The following PHKA1 variants were observed in gnomAD, a reference collection of about 807,000 sequenced individuals.
PHKA1 encodes phosphorylase b kinase regulatory subunit alpha, skeletal muscle isoform.
In PHKA1, 60 loss-of-function variants were observed where a neutral mutation model predicts 110.2. The observed-to-expected ratio is 0.54, with a 90% CI of 0.44 to 0.68. PHKA1 has a LOEUF of 0.68. Ranked by LOEUF, PHKA1 falls within the 30% of genes least tolerant of loss-of-function variation. The pLI is 0.00. For synonymous variants in PHKA1, 316 were observed against 333.6 expected, an observed-to-expected ratio of 0.95 and a Z score of 0.58; for missense variants, 801 against 942.5, an observed-to-expected ratio of 0.85 and a Z score of 1.97.
At chrX:72,691,312 T>C (rs1215509074) in intron 4 of PHKA1, among the ~76,000 whole-genome samples, 2 of 112,570 alleles carry the variant, frequency 1.8e-5, no homozygotes, top group Non-Finnish European at 3.7e-5. Context: ...TTAATATAGC[T>C]TTGTAGTAAG....
intron 14 of PHKA1, among the ~76,000 whole-genome samples, chrX:72,642,597 C>CA (rs1216997454): frequency 5.5e-5 from 6 of 109,191 alleles, no homozygotes; most frequent in African/African-American, 2.0e-4. Flanking sequence ...AGGGAATGGC[C>CA]AAAAAAAATA....
intron 4 of PHKA1, among the ~76,000 whole-genome samples, chrX:72,687,829 CT>C (rs1324615533): frequency 0.013 from 1,304 of 100,049 alleles, 15 homozygotes; most frequent in African/African-American, 0.039. Flanking sequence ...TTATCAGAAA[CT>C]TTTTTTTTTT....
At chrX:72,653,986 T>A (rs535126432) in intron 10 of PHKA1, among the ~76,000 whole-genome samples, 8 of 110,340 alleles carry the variant, frequency 7.3e-5, no homozygotes, top group African/African-American at 2.6e-4. Context: ...GTTTATGTTC[T>A]GTGCTTAACC....
At chrX:72,654,038 A>C (rs919874955) in intron 10 of PHKA1, among the ~76,000 whole-genome samples, 1 of 109,648 alleles carries the variant, frequency 9.1e-6, no homozygotes, top group Non-Finnish European at 1.9e-5. Context: ...AAAAAAAAAA[A>C]CAAAACCCAA....
intron 25 of PHKA1, among the ~76,000 whole-genome samples, chrX:72,603,544 T>G (rs1431442652): frequency 9.0e-6 from 1 of 111,456 alleles, no homozygotes; most frequent in Non-Finnish European, 1.9e-5. Context: ...CTGGAGGCCA[T>G]TCAGAGAAAG....
At chrX:72,581,875 A>G (rs935781282) in intron 31 of PHKA1, among the ~76,000 whole-genome samples, 25 of 112,263 alleles carry the variant, frequency 2.2e-4, no homozygotes, top group African/African-American at 7.8e-4. Flanking sequence ...GACACTTTCA[A>G]TAGTTTGTAT....
chrX:72,635,431 A>G (rs782603011), intron 15 of PHKA1, 132 bp from the exon 16 acceptor site: 1 of 583,140 alleles, frequency 1.7e-6, no homozygotes, highest in Non-Finnish European at 2.8e-6. Context: ...TTTAATGTCT[A>G]ATACATTCCA....
intron 21 of PHKA1, among the ~76,000 whole-genome samples, chrX:72,617,502 A>G: frequency 9.0e-6 from 1 of 111,678 alleles, no homozygotes; most frequent in East Asian, 2.8e-4. Context: ...CCTGGGCAAC[A>G]GAGCGAGACC....
intron 14 of PHKA1, among the ~76,000 whole-genome samples, chrX:72,642,317 T>C (rs1246331228): frequency 2.7e-5 from 3 of 111,543 alleles, no homozygotes; most frequent in African/African-American, 9.8e-5. Flanking sequence ...CGATTTAGAA[T>C]AATAGATGCA....
At chrX:72,624,122 C>T (rs1008002520) in intron 17 of PHKA1, among the ~76,000 whole-genome samples, 1 of 111,928 alleles carries the variant, frequency 8.9e-6, no homozygotes, top group Non-Finnish European at 1.9e-5. Context: ...AGGTTGAACA[C>T]TTTAACCAAG....
At chrX:72,636,709 A>G (rs1485144137) in intron 14 of PHKA1, among the ~76,000 whole-genome samples, 1 of 112,513 alleles carries the variant, frequency 8.9e-6, no homozygotes, top group Non-Finnish European at 1.9e-5. Flanking sequence ...TTTATATCAT[A>G]GGATAACACT....
chrX:72,609,726 T>A (rs1556257405), intron 22 of PHKA1, 23 bp from the exon 23 acceptor site: 20 of 1,107,768 alleles, frequency 1.8e-5, no homozygotes, highest in Non-Finnish European at 2.4e-5. Context: ...AGCATAATAT[T>A]ATCGTTTCTG....
chrX:72,670,171 T>TG (rs2053671015), intron 6 of PHKA1, among the ~76,000 whole-genome samples: 1 of 112,167 alleles, frequency 8.9e-6, no homozygotes, highest in Non-Finnish European at 1.9e-5. Flanking sequence ...GTGGCATAAA[T>TG]GTCTTCTTTT....
intron 28 of PHKA1, among the ~76,000 whole-genome samples, chrX:72,598,616 G>A (rs2052620474): frequency 9.0e-6 from 1 of 111,686 alleles, no homozygotes. Context: ...TCCATCAACT[G>A]ATGAATGGAT....
chrX:72,691,285 T>C (rs782527146), intron 4 of PHKA1, among the ~76,000 whole-genome samples: 13 of 112,666 alleles, frequency 1.2e-4, no homozygotes, highest in Non-Finnish European at 2.3e-4. Context: ...GTTATGCCAG[T>C]ACCTGTACTG....
At chrX:72,634,903 T>C (rs2053211406) in intron 16 of PHKA1, among the ~76,000 whole-genome samples, 1 of 112,202 alleles carries the variant, frequency 8.9e-6, no homozygotes, top group African/African-American at 3.2e-5. Context: ...TGTATGTTGA[T>C]TTATGTATTA....
chrX:72,690,590 C>T (rs2054024017), intron 4 of PHKA1, among the ~76,000 whole-genome samples: 1 of 111,351 alleles, frequency 9.0e-6, no homozygotes, highest in Non-Finnish European at 1.9e-5. Context: ...CAGAAACCAA[C>T]CCTACCAGCC....
rs370466800 is a variant in PHKA1 at position 72,645,235 on chromosome X, T to G, written c.1325-739A>C. On this transcript the variant is annotated intron_variant, in intron 13 of 31. Transcript: ENST00000373542. ...CCTGGCTGGGGGCCAGTAATCCAAT[T>G]GAGGCTTTAGCTGTCTTGACACTAA... Among the ~76,000 whole-genome samples the G allele has an allele frequency of 3.8e-4, 43 of 112,327 alleles. No individual in the cohort carries two copies. The South Asian group carries it at 8.2e-3, about 21-fold the overall frequency.
intron 16 of PHKA1, among the ~76,000 whole-genome samples, chrX:72,632,791 A>G (rs1223729899): frequency 1.8e-5 from 2 of 112,131 alleles, no homozygotes; most frequent in Non-Finnish European, 3.8e-5. Context: ...TCTGTCACTT[A>G]CTAGCTTTGT....
Sources: allele counts gnomAD v4.1 joint callset (sites outside exome capture counted in the v4.1 genomes callset), GRCh38; gene constraint gnomAD v4.1.1; transcripts MANE v1.5; gene names NCBI Gene and HGNC (gene_info 2026-07-23, HGNC 2026-07-21).